The following IQGAP2 variants were observed in gnomAD, a reference collection of about 807,000 sequenced individuals.
The protein encoded by IQGAP2 is ras GTPase-activating-like protein IQGAP2.
IQGAP2 carries 173 observed loss-of-function variants against 201.3 expected under a neutral mutation model. The ratio of observed to expected loss-of-function variants is 0.86; its 90% CI spans 0.76 to 0.98. The LOEUF is 0.98. Among genes scored for constraint, IQGAP2 ranks in the 50% least tolerant of loss-of-function variants. The probability of loss-of-function intolerance (pLI) is 0.00; values close to 1 mark genes in which losing one functional copy is unlikely to be tolerated. For synonymous variants in IQGAP2, 675 were observed against 673.9 expected (o/e 1.00, Z -0.03); for missense variants, 1,687 against 1,864.8 (o/e 0.90, Z 1.76).
chr5:76,623,203 C>T, intron 13 of IQGAP2: 2 of 1,614,168 alleles, frequency 1.2e-6, no homozygotes, highest in Non-Finnish European at 1.7e-6. Context: ...AGCAGGAGGC[C>T]AGCAGCTGCA....
At chr5:76,602,250 A>G (rs1747476189) in intron 11 of IQGAP2, among the ~76,000 whole-genome samples, 1 of 152,168 alleles carries the variant, frequency 6.6e-6, no homozygotes, top group Admixed American at 6.5e-5. Flanking sequence ...CTACCTAACC[A>G]GGCTTTGCCA....
At chr5:76,697,289 A>C (rs565095405) in intron 32 of IQGAP2, among the ~76,000 whole-genome samples, 1 of 152,386 alleles carries the variant, frequency 6.6e-6, no homozygotes, top group South Asian at 2.1e-4. Context: ...TTAAAAATGA[A>C]TTTAACAATT....
At chr5:76,428,508 G>T (rs1293886148) in intron 1 of IQGAP2, among the ~76,000 whole-genome samples, 2 of 145,102 alleles carry the variant, frequency 1.4e-5, no homozygotes, top group African/African-American at 5.1e-5. Context: ...CGCAATCTCT[G>T]CAACCTCCAC....
At chr5:76,688,971 G>A (rs899766005) in intron 30 of IQGAP2, among the ~76,000 whole-genome samples, 1 of 151,928 alleles carries the variant, frequency 6.6e-6, no homozygotes, top group African/African-American at 2.4e-5. Flanking sequence ...TGATCATAAA[G>A]TTTTACAACT....
At chr5:76,414,583 G>T (rs991123434) in intron 1 of IQGAP2, among the ~76,000 whole-genome samples, 1 of 152,204 alleles carries the variant, frequency 6.6e-6, no homozygotes, top group Non-Finnish European at 1.5e-5. Flanking sequence ...CACTTTGGGA[G>T]GCTAAGGCAG....
intron 2 of IQGAP2, among the ~76,000 whole-genome samples, chr5:76,554,645 C>A (rs942363967): frequency 3.3e-5 from 5 of 152,070 alleles, no homozygotes; most frequent in Admixed American, 1.3e-4. Context: ...TGGCTGTAAT[C>A]AAAAAGACAG....
chr5:76,451,122 T>C (rs1327744036), intron 1 of IQGAP2, among the ~76,000 whole-genome samples: 1 of 152,202 alleles, frequency 6.6e-6, no homozygotes, highest in Non-Finnish European at 1.5e-5. Context: ...GTCCCCTTAA[T>C]TGAACAAGCT....
chr5:76,445,837 G>A (rs1753357552), intron 1 of IQGAP2, among the ~76,000 whole-genome samples: 1 of 152,014 alleles, frequency 6.6e-6, no homozygotes, highest in African/African-American at 2.4e-5. Context: ...CAACATGAAC[G>A]CCCCGTTCTC....
chr5:76,694,037 A>G (rs1382937285), intron 31 of IQGAP2: 2 of 152,260 alleles, frequency 1.3e-5, no homozygotes, highest in Non-Finnish European at 2.9e-5. Context: ...ACAAAAGTTA[A>G]TTATTTAATT....
intron 27 of IQGAP2, among the ~76,000 whole-genome samples, chr5:76,675,606 T>C (rs1041384342): frequency 2.0e-5 from 3 of 152,198 alleles, no homozygotes; most frequent in Non-Finnish European, 4.4e-5. Context: ...TTTCCTCTTG[T>C]CATGTTTGTT....
intron 2 of IQGAP2, among the ~76,000 whole-genome samples, chr5:76,512,932 G>A (rs897059158): frequency 1.3e-5 from 2 of 152,188 alleles, no homozygotes; most frequent in African/African-American, 4.8e-5. Context: ...GCGCACGCCT[G>A]TAATCCCAGC....
intron 2 of IQGAP2, among the ~76,000 whole-genome samples, chr5:76,465,881 A>G (rs1754745396): frequency 6.6e-6 from 1 of 152,220 alleles, no homozygotes; most frequent in South Asian, 2.1e-4. Flanking sequence ...GAAAATTTTA[A>G]AACTCTTAAA....
chr5:76,631,701 G>T (rs1750720453), intron 14 of IQGAP2, among the ~76,000 whole-genome samples, 158 bp from the exon 15 acceptor site: 1 of 152,136 alleles, frequency 6.6e-6, no homozygotes, highest in South Asian at 2.1e-4. Context: ...AAACTGGTCT[G>T]TGAATTTGTG....
At chr5:76,478,850 A>G (rs541756237) in intron 2 of IQGAP2, among the ~76,000 whole-genome samples, 9 of 152,332 alleles carry the variant, frequency 5.9e-5, no homozygotes, top group South Asian at 4.1e-4. Context: ...TAAGTGATAC[A>G]TGACCGCACT....
chr5:76,589,311 C>CAAA (rs35291690), intron 6 of IQGAP2, among the ~76,000 whole-genome samples: 1,802 of 106,726 alleles, frequency 0.017, 43 homozygotes, highest in African/African-American at 0.06. Flanking sequence ...GACTCTGCCT[C>CAAA]AAAAAAAAAA....
chr5:76,459,580 G>A (rs760277946), intron 1 of IQGAP2, among the ~76,000 whole-genome samples: 9 of 152,182 alleles, frequency 5.9e-5, no homozygotes, highest in Non-Finnish European at 1.2e-4. Flanking sequence ...AGTAGAGATG[G>A]AGGATTAGGT....
At chr5:76,493,603 C>G (rs988457639) in intron 2 of IQGAP2, among the ~76,000 whole-genome samples, 3 of 152,180 alleles carry the variant, frequency 2.0e-5, no homozygotes, top group East Asian at 1.9e-4. Flanking sequence ...CTGCTCCCCC[C>G]ACCCCATAGG....
At chr5:76,412,071 C>T (rs149696872) in intron 1 of IQGAP2, among the ~76,000 whole-genome samples, 5 of 152,126 alleles carry the variant, frequency 3.3e-5, no homozygotes, top group African/African-American at 1.2e-4. Flanking sequence ...TTCGTTTATT[C>T]ATTCACAATT....
intron 5 of IQGAP2, among the ~76,000 whole-genome samples, chr5:76,586,696 T>C (rs1296075282): frequency 6.6e-6 from 1 of 152,244 alleles, no homozygotes; most frequent in East Asian, 1.9e-4. Flanking sequence ...TAGCTAAATA[T>C]TCAGATTGAC....
Sources: allele counts gnomAD v4.1 joint callset (sites outside exome capture counted in the v4.1 genomes callset), GRCh38; gene constraint gnomAD v4.1.1; transcripts MANE v1.5; gene names NCBI Gene and HGNC (gene_info 2026-07-23, HGNC 2026-07-21).